SLC9A1: variants seen among roughly 807,000 people sequenced by gnomAD.
SLC9A1 encodes the protein sodium/hydrogen exchanger 1.
In SLC9A1, 22 loss-of-function variants were observed where a neutral mutation model predicts 67.9. The ratio of observed to expected loss-of-function variants is 0.32; its 90% CI spans 0.23 to 0.46. The LOEUF (loss-of-function observed/expected upper bound fraction) is 0.46, where lower values mean the gene tolerates loss of function less well. SLC9A1 is among the 20% of genes least tolerant of loss of function. SLC9A1 has a pLI of 1.00. For missense variants in SLC9A1, 686 were observed against 1,094.8 expected (o/e 0.63, Z 5.27); for synonymous variants, 421 against 471.8 (o/e 0.89, Z 1.40).
chr1:27,101,885 G>A lies in SLC9A1; in HGVS notation c.1936-59C>T. 5 of 1,464,282 alleles carry A rather than the reference G, an allele frequency of 3.4e-6. No homozygotes were observed. The highest frequency in any genetic ancestry group is 4.5e-5 in the East Asian group (2 of 44,156). The allele number at this position is 1,464,282 out of a possible 1,614,324, so 90.7% of individuals were successfully genotyped here. On this transcript the variant is annotated intron_variant, in intron 9 of 11. Transcript: ENST00000263980. The surrounding 1 kb of genome is among the most constrained non-coding windows in gnomAD (Gnocchi z 4.9). ...CCCGGAAGGCTCTGCTCATGGAGGG[G>A]TGGGGGCAGTGCTGGAGGCCGGGCC...
intron 1 of SLC9A1, among the ~76,000 whole-genome samples, chr1:27,150,301 T>C (rs1450002987): frequency 1.3e-5 from 2 of 152,116 alleles, no homozygotes; most frequent in African/African-American, 2.4e-5. Context: ...CTATAAGATA[T>C]AAAGGGACAA....
At chr1:27,107,943 G>GA in intron 3 of SLC9A1, 78 bp from the exon 4 acceptor site, 2 of 1,076,032 alleles carry the variant, frequency 1.9e-6, no homozygotes, top group Non-Finnish European at 2.8e-6. Context: ...AGGGGCAATG[G>GA]GGCCACGACC....
At chr1:27,144,175 A>G (rs1260584142) in intron 1 of SLC9A1, among the ~76,000 whole-genome samples, 1 of 152,260 alleles carries the variant, frequency 6.6e-6, no homozygotes, top group Admixed American at 6.5e-5. Flanking sequence ...TAAATTAACA[A>G]GATTGCCTTC....
In SLC9A1 at chr1:27,106,115, G is replaced by A; in HGVS notation, c.1283-28C>T. ...GCAGGGGAAGGCAGGGGGTGATGAG[G>A]GTCAGGTCGGGCTGTCCCCAGTCCC... On this transcript the variant is annotated intron_variant, in intron 4 of 11. Coordinates refer to ENST00000263980, the MANE Select transcript of SLC9A1 (RefSeq NM_003047.5). The surrounding 1 kb of genome is among the most constrained non-coding windows in gnomAD (Gnocchi z 4.3). 6.7e-7 allele frequency: 1 copy of A among 1,502,648 alleles called. No homozygotes were observed. The highest frequency in any genetic ancestry group is 2.3e-5 in the East Asian group (1 of 44,206). The allele number at this position is 1,502,648 out of a possible 1,614,324, so 93.1% of individuals were successfully genotyped here.
Position 27,114,184 on chromosome 1 carries a change from G to C in SLC9A1, c.455C>G (p.Thr152Arg). 6.2e-7 allele frequency: 1 copy of C among 1,614,150 alleles called. No homozygotes were observed. Among genetic ancestry groups the C allele is most frequent in the Non-Finnish European group, 8.5e-7 (1 of 1,180,008 alleles). ...VGGLIKGVGE[T>R]PPFLQSDVFF... The stretch of plus-strand genomic sequence containing the variant: ...GACGTCGGACTGCAGGAAGGGGGGT[G>C]TCTCGCCTACACCCTTGATCAGGCC... The change falls in exon 2 of 12, where the codon ACA (threonine) becomes AGA (arginine). Residue 152 changes from threonine to arginine, a missense_variant. By Grantham distance (71) the Thr-to-Arg change is moderately conservative. Transcript: ENST00000263980. This position sits in a 1 kb window ranked among gnomAD's most constrained non-coding sequence, Gnocchi z 5.4.
intron 1 of SLC9A1, among the ~76,000 whole-genome samples, chr1:27,128,384 AG>A (rs751511692): frequency 1.3e-5 from 2 of 152,084 alleles, no homozygotes; most frequent in Non-Finnish European, 2.9e-5. Context: ...AGGCCAGGGG[AG>A]GTGGCTCACA....
rs914574597 is a variant in SLC9A1 at position 27,137,519 on chromosome 1, G to A, written c.352+16464C>T. On this transcript the variant is annotated intron_variant, in intron 1 of 11. Coordinates refer to ENST00000263980, the MANE Select transcript of SLC9A1 (RefSeq NM_003047.5). The surrounding 1 kb of genome is among the most constrained non-coding windows in gnomAD (Gnocchi z 4.6). ...ACATGGGGACCACAAAGTTGCAAGTGGGGGAGGGGGGTTTCAGTCCTGGTC... is the reference window on the plus strand; with the variant it reads ...ACATGGGGACCACAAAGTTGCAAGTAGGGGAGGGGGGTTTCAGTCCTGGTC... 6.6e-6 allele frequency among the ~76,000 whole-genome samples: 1 copy of A among 152,176 alleles called. No homozygotes were observed. The highest frequency in any genetic ancestry group is 1.5e-5 in the Non-Finnish European group (1 of 68,012).
Position 27,106,929 on chromosome 1 carries a change from C to A in SLC9A1, c.1282+719G>T, listed in dbSNP as rs1222033044. 6.6e-6 allele frequency among the ~76,000 whole-genome samples: 1 copy of A among 151,878 alleles called. No individual in the cohort carries two copies. The highest frequency in any genetic ancestry group is 1.9e-4 in the East Asian group (1 of 5,170). The stretch of plus-strand genomic sequence containing the variant: ...TCAGGGCCCCCTCACTTTGACACAG[C>A]CTGACTCTGTCCCCAGAGACCACAG... On this transcript the variant is annotated intron_variant, in intron 4 of 11. Coordinates refer to ENST00000263980, the MANE Select transcript of SLC9A1 (RefSeq NM_003047.5). The surrounding 1 kb of genome is among the most constrained non-coding windows in gnomAD (Gnocchi z 4.3).
At chr1:27,123,310 A>G (rs1257958840) in intron 1 of SLC9A1, among the ~76,000 whole-genome samples, 1 of 151,926 alleles carries the variant, frequency 6.6e-6, no homozygotes, top group Admixed American at 6.6e-5. Context: ...ATTTCTGTTA[A>G]GTTTGGTATA....
intron 1 of SLC9A1, among the ~76,000 whole-genome samples, chr1:27,119,971 G>A (rs538667245): frequency 3.3e-5 from 5 of 152,090 alleles, no homozygotes; most frequent in Non-Finnish European, 5.9e-5. Context: ...GCCCTCTCCA[G>A]GAAGCTCTCC....
intron 1 of SLC9A1, among the ~76,000 whole-genome samples, chr1:27,141,618 C>T (rs375177743): frequency 5.9e-5 from 9 of 152,330 alleles, no homozygotes; most frequent in African/African-American, 2.2e-4. Context: ...TGCATCTGTA[C>T]CGCATTTCTC....
chr1:27,133,611 C>A (rs895371037), intron 1 of SLC9A1, among the ~76,000 whole-genome samples: 5 of 151,990 alleles, frequency 3.3e-5, no homozygotes, highest in African/African-American at 4.8e-5. Flanking sequence ...GTAGTTAGGA[C>A]GGGAAGGGTG....
Position 27,143,367 on chromosome 1 carries a change from C to T in SLC9A1, c.352+10616G>A, listed in dbSNP as rs561095460. Among the ~76,000 whole-genome samples, 177 of 152,342 alleles carry T rather than the reference C, an allele frequency of 1.2e-3. 1 individual carries two copies. The highest frequency in any genetic ancestry group is 4.0e-3 in the African/African-American group (165 of 41,578). ...CCCCAAGCATCCAGCCTGAACCACA[C>T]AATTTCCCACCTGTGCTTTCTCCCT... On this transcript the variant is annotated intron_variant, in intron 1 of 11. Transcript: ENST00000263980.
At chr1:27,107,996 C>A in intron 3 of SLC9A1, 131 bp from the exon 4 acceptor site, 1 of 661,760 alleles carries the variant, frequency 1.5e-6, no homozygotes, top group Non-Finnish European at 2.7e-6. Flanking sequence ...CAGGGGCCCG[C>A]TGTGTGCTTT....
chr1:27,105,880 A>G lies in SLC9A1; in HGVS notation c.1485+5T>C, dbSNP rs1278835118. 1 of 1,612,808 alleles carries G rather than the reference A, an allele frequency of 6.2e-7. No homozygotes were observed. The highest frequency in any genetic ancestry group is 8.5e-7 in the Non-Finnish European group (1 of 1,179,688). On this transcript the variant is annotated splice_donor_5th_base_variant and intron_variant, in intron 5 of 11. Coordinates refer to ENST00000263980, the MANE Select transcript of SLC9A1 (RefSeq NM_003047.5). ...GCAAGGGCCTGCCCTGCCCTGGCCC[A>G]GCACCTGCACAAAGACGGTGAAGAA...
intron 1 of SLC9A1, among the ~76,000 whole-genome samples, chr1:27,124,599 A>T (rs1465096203): frequency 6.6e-6 from 1 of 152,204 alleles, no homozygotes; most frequent in Admixed American, 6.5e-5. Flanking sequence ...ACCGCAAAGG[A>T]AGAACAAAAC....
chr1:27,109,688 C>T lies in SLC9A1; in HGVS notation c.903G>A (p.Val301=). The T allele has an allele frequency of 5.6e-6, 9 of 1,614,032 alleles. No individual in the cohort carries two copies. Among genetic ancestry groups the T allele is most frequent in the Non-Finnish European group, 7.6e-6 (9 of 1,180,016 alleles). ...IFLGFLSFFV[V]ALGGVLVGVV... ...CGCCCACAAGCACCCCGCCCAGGGC[C>T]ACCACGAAGAAGCTCAGGAAGCCGA... Residue 301 remains valine, a synonymous_variant, in exon 3 of 12, where the codon GTG becomes GTA. Transcript: ENST00000263980. The surrounding 1 kb of genome is among the most constrained non-coding windows in gnomAD (Gnocchi z 5.5).
At chr1:27,123,204 T>G (rs1297116538) in intron 1 of SLC9A1, among the ~76,000 whole-genome samples, 1 of 152,220 alleles carries the variant, frequency 6.6e-6, no homozygotes, top group Non-Finnish European at 1.5e-5. Flanking sequence ...AATTTTTTTC[T>G]AACAGTCATA....
rs1225586187 is a variant in SLC9A1 at position 27,137,125 on chromosome 1, C to T, written c.352+16858G>A. On this transcript the variant is annotated intron_variant, in intron 1 of 11. Coordinates refer to ENST00000263980, the MANE Select transcript of SLC9A1 (RefSeq NM_003047.5). This position sits in a 1 kb window ranked among gnomAD's most constrained non-coding sequence, Gnocchi z 4.6. Reference sequence around the variant, plus strand: ...TAGTTGTTTACATGTCTGTCTCCCACACACAAGTGTCAGTGCCAGCGCTTC... The same window carrying T: ...TAGTTGTTTACATGTCTGTCTCCCATACACAAGTGTCAGTGCCAGCGCTTC... Among the ~76,000 whole-genome samples, 2 of 152,298 alleles carry T rather than the reference C, an allele frequency of 1.3e-5. No homozygotes were observed. Among genetic ancestry groups the T allele is most frequent in the East Asian group, 3.8e-4 (2 of 5,206 alleles).
Sources: gnomAD v4.1 joint callset for allele counts (sites outside exome capture counted in the v4.1 genomes callset) on GRCh38, gnomAD v4.1.1 for gene constraint, Gnocchi (gnomAD v3.1) non-coding constraint, MANE v1.5 for transcripts, NCBI Gene and HGNC (gene_info 2026-07-23, HGNC 2026-07-21) for gene names.